Variants in SLFN12L observed in about 807,000 individuals in gnomAD.
SLFN12L encodes the protein schlafen family member 12-like.
In SLFN12L, 34 loss-of-function variants were observed where a neutral mutation model predicts 34.8. The ratio of observed to expected loss-of-function variants is 0.98; its 90% CI spans 0.74 to 1.30. SLFN12L has a LOEUF of 1.30. Among genes scored for constraint, SLFN12L ranks in the 50% most tolerant of loss-of-function variants. The pLI is 0.00. For missense variants in SLFN12L, 703 were observed against 696.2 expected (o/e 1.01, Z -0.11); for synonymous variants, 259 against 247.5 (o/e 1.05, Z -0.44).
In SLFN12L at chr17:35,522,514, AC is replaced by A; in HGVS notation, c.-151del. On this transcript the variant is annotated 5_prime_UTR_variant, in exon 2 of 5. It removes the in-frame stop codon of an upstream open reading frame in the 5' UTR. Transcript: ENST00000628453. The stretch of plus-strand genomic sequence containing the variant: ...TAGCTGCACAGGTCACTCAAGAGAG[AC>A]CTGAAGCCGAGCAAGACAATCACGA... 3.1e-6 allele frequency: 5 copies of A among 1,612,738 alleles called. No homozygotes were observed. The highest frequency in any genetic ancestry group is 4.2e-6 in the Non-Finnish European group (5 of 1,179,316).
At chr17:35,495,846 G>A (rs1915040852) in intron 2 of SLFN12L, among the ~76,000 whole-genome samples, 1 of 151,598 alleles carries the variant, frequency 6.6e-6, no homozygotes, top group Non-Finnish European at 1.5e-5. Flanking sequence ...TGGGATGAGG[G>A]CAGAATCTGA....
At chr17:35,528,025 T>C (rs2072354826) in intron 1 of SLFN12L, among the ~76,000 whole-genome samples, 1 of 152,214 alleles carries the variant, frequency 6.6e-6, no homozygotes, top group African/African-American at 2.4e-5. Context: ...ACAAAATCAA[T>C]GTGCTAAAAT....
chr17:35,504,622 C>T (rs1915408249), intron 2 of SLFN12L, among the ~76,000 whole-genome samples: 1 of 152,170 alleles, frequency 6.6e-6, no homozygotes, highest in African/African-American at 2.4e-5. Context: ...TTCCAGGATT[C>T]TACAGCCTGG....
At chr17:35,494,613 G>A (rs1914971268) in intron 2 of SLFN12L, among the ~76,000 whole-genome samples, 1 of 152,172 alleles carries the variant, frequency 6.6e-6, no homozygotes, top group Non-Finnish European at 1.5e-5. Context: ...CGACAGCAAT[G>A]TGCCAGGGCA....
At chr17:35,477,000 C>T (rs1294574773) in intron 4 of SLFN12L, among the ~76,000 whole-genome samples, 1 of 152,188 alleles carries the variant, frequency 6.6e-6, no homozygotes, top group Non-Finnish European at 1.5e-5. Context: ...ATAACTGTTA[C>T]ATCTTTTTTA....
At position 35,478,003 on chromosome 17, in the gene SLFN12L, G is replaced by C. The variant is rs1914112510; in HGVS notation, c.1276+72C>G. ...TGCTTCCATAACAAATATCAAGACAGAGCTGGTTTGAAGAGAAGGAGGTTT... is the reference window on the plus strand; with the variant it reads ...TGCTTCCATAACAAATATCAAGACACAGCTGGTTTGAAGAGAAGGAGGTTT... On this transcript the variant is annotated intron_variant, in intron 4 of 4. Transcript: ENST00000628453. 3.4e-6 allele frequency: 3 copies of C among 895,262 alleles called. No homozygotes were observed. The African/African-American group carries it at 5.2e-5, about 16-fold the overall frequency. The allele number at this position is 895,262 out of a possible 1,614,324, so 55.5% of individuals were successfully genotyped here. A position where few individuals can be genotyped will look rare whatever the true frequency, so the allele number is the denominator to read the frequency against.
At position 35,491,622 on chromosome 17, in the gene SLFN12L, G is replaced by C. The variant is rs559105687; in HGVS notation, c.87-11427C>G. Among the ~76,000 whole-genome samples, 3 of 152,308 alleles carry C rather than the reference G, an allele frequency of 2.0e-5. No individual in the cohort carries two copies. The South Asian group carries it at 6.2e-4, about 32-fold the overall frequency. ...ATGGGGTCTGGCCACCTGGCCTGCT[G>C]GGAAACAGCAATCTTCCTTAATAGC... is the stretch of plus-strand genomic sequence containing the variant. On this transcript the variant is annotated intron_variant, in intron 2 of 4. Transcript: ENST00000628453.
At chr17:35,523,835 T>G (rs989740093) in intron 1 of SLFN12L, among the ~76,000 whole-genome samples, 2 of 152,004 alleles carry the variant, frequency 1.3e-5, no homozygotes, top group African/African-American at 4.8e-5. Context: ...CTCAGGAGGC[T>G]GAGGTGGGAG....
In SLFN12L at chr17:35,466,031, C is replaced by T. The variant is rs947609712; in HGVS notation, c.*8892G>A. Reference sequence around the variant, plus strand: ...AGAGCAGATTCACAGCAAAATTGAGCGGAAAGTACAAAGATTTTCCATATA... The same window carrying T: ...AGAGCAGATTCACAGCAAAATTGAGTGGAAAGTACAAAGATTTTCCATATA... On this transcript the variant is annotated 3_prime_UTR_variant, in exon 5 of 5. Transcript: ENST00000628453. Among the ~76,000 whole-genome samples the T allele has an allele frequency of 6.6e-6, 1 of 151,936 alleles. No homozygotes were observed. Among genetic ancestry groups the T allele is most frequent in the African/African-American group, 2.4e-5 (1 of 41,334 alleles).
Position 35,522,697 on chromosome 17 carries a change from C to G in SLFN12L, c.-333G>C. On this transcript the variant is annotated 5_prime_UTR_variant, in exon 2 of 5. Transcript: ENST00000628453. ...GACACACACCTCCCCAGTGTAGCCC[C>G]CCATGTTCACCAGCTTCTGCTTCAA... 1 of 1,614,144 alleles carries G rather than the reference C, an allele frequency of 6.2e-7. No individual in the cohort carries two copies. Among genetic ancestry groups the G allele is most frequent in the Non-Finnish European group, 8.5e-7 (1 of 1,180,020 alleles).
chr17:35,495,199 C>T (rs979322102), intron 2 of SLFN12L, among the ~76,000 whole-genome samples: 21 of 152,074 alleles, frequency 1.4e-4, no homozygotes, highest in African/African-American at 4.8e-4. Flanking sequence ...CACGCCTGGC[C>T]GCATTAATTT....
At position 35,464,736 on chromosome 17, in the gene SLFN12L, A is replaced by G. The variant is rs1913694790; in HGVS notation, c.*10187T>C. 1 of 152,234 alleles carries G rather than the reference A, an allele frequency of 6.6e-6. No homozygotes were observed. Among genetic ancestry groups the G allele is most frequent in the African/African-American group, 2.4e-5 (1 of 41,452 alleles). The allele number at this position is 152,234 out of a possible 1,614,324, so 9.4% of individuals were successfully genotyped here. Reference sequence around the variant, plus strand: ...TACATGTACATAGATAAAGATATCAAACGTATATCTAAATTAAAACAAACA... The same window carrying G: ...TACATGTACATAGATAAAGATATCAGACGTATATCTAAATTAAAACAAACA... On this transcript the variant is annotated 3_prime_UTR_variant, in exon 5 of 5. Coordinates refer to ENST00000628453, the MANE Select transcript of SLFN12L (RefSeq NM_001363830.2).
intron 2 of SLFN12L, among the ~76,000 whole-genome samples, chr17:35,486,825 G>C (rs2142136274): frequency 6.6e-6 from 1 of 152,288 alleles, no homozygotes; most frequent in South Asian, 2.1e-4. Flanking sequence ...TATCTCCTTA[G>C]AGTTATGCCA....
intron 2 of SLFN12L, chr17:35,491,331 T>A (rs1914829767): frequency 1.6e-5 from 8 of 511,012 alleles, no homozygotes; most frequent in Non-Finnish European, 2.8e-5. Flanking sequence ...CTTCCTACTT[T>A]CTTCCTCCAG....
At chr17:35,523,707 G>T (rs2072304778) in intron 1 of SLFN12L, among the ~76,000 whole-genome samples, 1 of 152,212 alleles carries the variant, frequency 6.6e-6, no homozygotes, top group African/African-American at 2.4e-5. Context: ...AGGCCGAGAT[G>T]GGTGATCACT....
intron 2 of SLFN12L, chr17:35,491,384 A>T: frequency 2.6e-6 from 1 of 379,430 alleles, no homozygotes; most frequent in Non-Finnish European, 4.7e-6. Context: ...AAGAAAGCTG[A>T]CATTTTCATG....
intron 2 of SLFN12L, among the ~76,000 whole-genome samples, chr17:35,488,095 G>C (rs1425487483): frequency 6.6e-6 from 1 of 152,204 alleles, no homozygotes; most frequent in Non-Finnish European, 1.5e-5. Context: ...TGTAGTCCCA[G>C]CTACTCGGGA....
At chr17:35,498,208 G>A in intron 2 of SLFN12L, 1 of 744,070 alleles carries the variant, frequency 1.3e-6, no homozygotes, top group Non-Finnish European at 2.5e-6. Flanking sequence ...CGCCTGGGAT[G>A]TTCAGTCATG....
At chr17:35,524,134 C>A (rs999757195) in intron 1 of SLFN12L, among the ~76,000 whole-genome samples, 3 of 152,160 alleles carry the variant, frequency 2.0e-5, no homozygotes, top group African/African-American at 7.2e-5. Context: ...CAGGTGTTCA[C>A]ACAACTTGAT....
Sources: gnomAD v4.1 joint callset for allele counts (sites outside exome capture counted in the v4.1 genomes callset) on GRCh38, gnomAD v4.1.1 for gene constraint, MANE v1.5 for transcripts, NCBI Gene and HGNC (gene_info 2026-07-23, HGNC 2026-07-21) for gene names.